Variants in PHKB observed in about 807,000 individuals in gnomAD.
PHKB encodes phosphorylase kinase regulatory subunit beta.
Under a neutral mutation model 152.1 loss-of-function variants are expected in PHKB, and 122 were observed. The observed-to-expected ratio is 0.80, with a 90% CI of 0.69 to 0.93. The LOEUF is 0.93. PHKB is among the 40% of genes least tolerant of loss of function. PHKB has a pLI of 0.00. For synonymous variants in PHKB, 436 were observed against 464.9 expected, an observed-to-expected ratio of 0.94 and a Z score of 0.80; for missense variants, 1,304 against 1,328.4, an observed-to-expected ratio of 0.98 and a Z score of 0.29.
chr16:47,566,609 G>T, intron 7 of PHKB: 1 of 1,345,736 alleles, frequency 7.4e-7, no homozygotes, highest in Non-Finnish European at 1.1e-6. Flanking sequence ...GAAAAGCAAT[G>T]TAGGGTGACA....
chr16:47,466,180 ATTTGT>A (rs758455651), intron 1 of PHKB, among the ~76,000 whole-genome samples: 11 of 152,324 alleles, frequency 7.2e-5, no homozygotes, highest in Non-Finnish European at 1.2e-4. Context: ...GTTGAAAGAA[ATTTGT>A]TTTGACTGCT....
chr16:47,683,091 C>G (rs1973893478), intron 26 of PHKB, among the ~76,000 whole-genome samples: 1 of 152,170 alleles, frequency 6.6e-6, no homozygotes, highest in East Asian at 1.9e-4. Context: ...TCTTGGTGAA[C>G]CGCAAATGCT....
chr16:47,464,702 T>C (rs187949836), intron 1 of PHKB, among the ~76,000 whole-genome samples: 21 of 152,336 alleles, frequency 1.4e-4, no homozygotes, highest in East Asian at 9.6e-4. Flanking sequence ...AGTGTCACTT[T>C]ACAGAACAAG....
rs552666315 is a variant in PHKB, at chr16:47,642,993, A to G, written c.1608+1301A>G. ...GCTGCAGGCTGTCGGCTGCTAATAC[A>G]CTTTTATGCTCTCCTGCTGAAAGCT... On this transcript the variant is annotated intron_variant, in intron 16 of 30. Transcript: ENST00000323584. Among the ~76,000 whole-genome samples, 4 of 152,320 alleles carry G rather than the reference A, an allele frequency of 2.6e-5. No homozygotes were observed. The East Asian group carries it at 7.7e-4, about 29-fold the overall frequency.
intron 4 of PHKB, among the ~76,000 whole-genome samples, chr16:47,510,278 A>G (rs1841505095): frequency 6.6e-6 from 1 of 152,108 alleles, no homozygotes; most frequent in Admixed American, 6.5e-5. Context: ...GATTGACTCA[A>G]TCACCAGCTT....
At chr16:47,611,907 A>G (rs1972435215) in intron 14 of PHKB, among the ~76,000 whole-genome samples, 1 of 152,190 alleles carries the variant, frequency 6.6e-6, no homozygotes, top group Admixed American at 6.5e-5. Context: ...AAAATTTCTC[A>G]CTGGCCTGTT....
At chr16:47,503,119 C>A in intron 4 of PHKB, 29 bp downstream of exon 4, 2 of 1,301,524 alleles carry the variant, frequency 1.5e-6, no homozygotes, top group South Asian at 1.2e-5. Flanking sequence ...GACGGGAATT[C>A]TCCCATCATT....
intron 1 of PHKB, among the ~76,000 whole-genome samples, chr16:47,496,881 G>C (rs1277527684): frequency 6.6e-6 from 1 of 152,150 alleles, no homozygotes; most frequent in Non-Finnish European, 1.5e-5. Flanking sequence ...AGAAAGTAGA[G>C]GATTAGGAAT....
rs1414729272 is a variant in PHKB, at chr16:47,696,266, C to T, written c.2896-115C>T. ...ATCCAGTTGTGTAGCTGAAAATGTT[C>T]TCCAAGGTTTTATAAAAACTGAAAA... is the stretch of plus-strand genomic sequence containing the variant. On this transcript the variant is annotated intron_variant, in intron 28 of 30. Coordinates refer to ENST00000323584, the MANE Select transcript of PHKB (RefSeq NM_000293.3). 9.7e-6 allele frequency: 7 copies of T among 719,826 alleles called. No homozygotes were observed. In the East Asian group the frequency reaches 1.1e-4, roughly 11 times the overall value. 44.6% of individuals were successfully genotyped at this position (719,826 alleles called of 1,614,324 possible).
At chr16:47,616,465 A>G (rs1040966080) in intron 14 of PHKB, among the ~76,000 whole-genome samples, 1 of 139,772 alleles carries the variant, frequency 7.2e-6, no homozygotes, top group African/African-American at 2.5e-5. Flanking sequence ...AATATATATG[A>G]TATATAATAT....
chr16:47,471,630 C>T (rs1969769380), intron 1 of PHKB, among the ~76,000 whole-genome samples: 1 of 152,062 alleles, frequency 6.6e-6, no homozygotes, highest in Non-Finnish European at 1.5e-5. Context: ...AAGATGTGGC[C>T]ACCTTGATTA....
intron 6 of PHKB, among the ~76,000 whole-genome samples, chr16:47,532,750 GGGAGCTCCCACGT>G (rs1970883750): frequency 1.3e-5 from 2 of 152,250 alleles, no homozygotes; most frequent in African/African-American, 2.4e-5. Flanking sequence ...CCCTGGCTCA[GGGAGCTCCCACGT>G]CTGGGCTCCC....
At chr16:47,661,297 T>G (rs1973439569) in intron 22 of PHKB, among the ~76,000 whole-genome samples, 1 of 152,138 alleles carries the variant, frequency 6.6e-6, no homozygotes, top group Non-Finnish European at 1.5e-5. Flanking sequence ...ATCCATCTCT[T>G]CACAACAGTT....
At chr16:47,671,414 CTT>C (rs910933638) in intron 26 of PHKB, among the ~76,000 whole-genome samples, 2 of 152,036 alleles carry the variant, frequency 1.3e-5, no homozygotes, top group African/African-American at 4.8e-5. Flanking sequence ...ATAATGTTGT[CTT>C]TTAATAGAAA....
intron 7 of PHKB, among the ~76,000 whole-genome samples, chr16:47,572,177 C>A (rs1971672363): frequency 6.6e-6 from 1 of 152,092 alleles, no homozygotes; most frequent in Non-Finnish European, 1.5e-5. Flanking sequence ...GAGCAAGGAC[C>A]CAAGAAGTCC....
At chr16:47,623,683 A>G (rs893242644) in intron 14 of PHKB, among the ~76,000 whole-genome samples, 1 of 149,490 alleles carries the variant, frequency 6.7e-6, no homozygotes, top group African/African-American at 2.5e-5. Context: ...CTTCCTGAGT[A>G]GCTGGGATTA....
intron 27 of PHKB, among the ~76,000 whole-genome samples, chr16:47,691,382 G>A (rs1974057043): frequency 6.6e-6 from 1 of 152,040 alleles, no homozygotes; most frequent in African/African-American, 2.4e-5. Flanking sequence ...TTACTCCCTG[G>A]TTTTATACTA....
At position 47,607,943 on chromosome 16, in the gene PHKB, G is replaced by A. The variant is rs556532488; in HGVS notation, c.1364-2883G>A. Among the ~76,000 whole-genome samples, 4 of 151,978 alleles carry A rather than the reference G, an allele frequency of 2.6e-5. No homozygotes were observed. In the South Asian group the frequency reaches 6.2e-4, roughly 24 times the overall value. On this transcript the variant is annotated intron_variant, in intron 13 of 30. Coordinates refer to ENST00000323584, the MANE Select transcript of PHKB (RefSeq NM_000293.3). ...GCATTTCCCAAATGACTAATGTTGT[G>A]CATTTTTTCATGTGCTTATTGGTAA...
chr16:47,523,330 C>A (rs934877115), intron 6 of PHKB, among the ~76,000 whole-genome samples: 2 of 152,174 alleles, frequency 1.3e-5, no homozygotes, highest in East Asian at 1.9e-4. Context: ...TGTTTAGCAT[C>A]TTTCCTGAAA....
Sources: gnomAD v4.1 joint callset for allele counts (sites outside exome capture counted in the v4.1 genomes callset) on GRCh38, gnomAD v4.1.1 for gene constraint, MANE v1.5 for transcripts, NCBI Gene and HGNC (gene_info 2026-07-23, HGNC 2026-07-21) for gene names.